UBE3C: variants seen among roughly 807,000 people sequenced by gnomAD.
UBE3C encodes the protein ubiquitin-protein ligase E3C.
Under a neutral mutation model 129.4 loss-of-function variants are expected in UBE3C, and 42 were observed. The observed-to-expected ratio is 0.32, with a 90% confidence interval of 0.25 to 0.42. The LOEUF is 0.42. Ranked by LOEUF, UBE3C falls within the 10% of genes least tolerant of loss-of-function variation. The pLI, the probability that UBE3C is intolerant of heterozygous loss-of-function variation, is 1.00. For synonymous variants in UBE3C, 510 were observed against 492.4 expected, an observed-to-expected ratio of 1.04 and a Z score of -0.47; for missense variants, 1,049 against 1,319.1, an observed-to-expected ratio of 0.80 and a Z score of 3.17.
At chr7:157,260,918 G>A (rs1358443644) in intron 22 of UBE3C, among the ~76,000 whole-genome samples, 4 of 152,184 alleles carry the variant, frequency 2.6e-5, no homozygotes, top group African/African-American at 9.7e-5. Flanking sequence ...CCTCCGTGAT[G>A]CCTCCGGGTT....
chr7:157,225,137 G>T (rs1584801441), intron 16 of UBE3C, among the ~76,000 whole-genome samples: 1 of 152,050 alleles, frequency 6.6e-6, no homozygotes, highest in South Asian at 2.1e-4. Flanking sequence ...CAAGTAGCTG[G>T]GATTACAGGC....
chr7:157,265,742 C>T (rs188910030), intron 22 of UBE3C, among the ~76,000 whole-genome samples: 10 of 152,268 alleles, frequency 6.6e-5, no homozygotes, highest in South Asian at 4.1e-4. Flanking sequence ...TTTTCTCATG[C>T]GTGCATTTCA....
At chr7:157,177,827 A>G (rs950269896) in intron 5 of UBE3C, among the ~76,000 whole-genome samples, 2 of 152,124 alleles carry the variant, frequency 1.3e-5, no homozygotes, top group Non-Finnish European at 2.9e-5. Flanking sequence ...CCCTCCTGGC[A>G]GGGCAGAAGG....
In UBE3C at chr7:157,207,562, A is replaced by T; in HGVS notation, c.1576+7A>T. The T allele has an allele frequency of 6.2e-7, 1 of 1,606,774 alleles. No homozygotes were observed. Among genetic ancestry groups the T allele is most frequent in the South Asian group, 1.1e-5 (1 of 89,060 alleles). On this transcript the variant is annotated splice_region_variant and intron_variant, in intron 12 of 22. Coordinates refer to ENST00000348165, the MANE Select transcript of UBE3C (RefSeq NM_014671.3). Reference sequence around the variant, plus strand: ...TTCGGTGATCCCATAGAAGGTAAGGATTTTGAGAAACCAGTTTGCTGCTGG... The same window carrying T: ...TTCGGTGATCCCATAGAAGGTAAGGTTTTTGAGAAACCAGTTTGCTGCTGG...
intron 3 of UBE3C, 113 bp downstream of exon 3, chr7:157,169,235 C>T: frequency 3.0e-6 from 2 of 677,660 alleles, no homozygotes; most frequent in South Asian, 2.6e-5. Context: ...GTATTCTTCC[C>T]AATAAATAAT....
At chr7:157,153,730 A>C (rs1346165015) in intron 1 of UBE3C, among the ~76,000 whole-genome samples, 1 of 151,970 alleles carries the variant, frequency 6.6e-6, no homozygotes, top group Non-Finnish European at 1.5e-5. Context: ...TCCTCCCGGC[A>C]CTCTGGGAGG....
intron 12 of UBE3C, 26 bp from the exon 13 acceptor site, chr7:157,207,677 A>G (rs781720748): frequency 3.7e-6 from 6 of 1,603,404 alleles, no homozygotes; most frequent in Non-Finnish European, 5.1e-6. Context: ...AAAAGAAACA[A>G]TAGAAAACTG....
At chr7:157,193,289 A>AGCT (rs994262546) in intron 10 of UBE3C, among the ~76,000 whole-genome samples, 1 of 151,950 alleles carries the variant, frequency 6.6e-6, no homozygotes, top group Non-Finnish European at 1.5e-5. Context: ...GAAAAATTTC[A>AGCT]GAAGAACAAA....
intron 1 of UBE3C, among the ~76,000 whole-genome samples, chr7:157,161,067 G>A (rs1316713197): frequency 6.6e-6 from 1 of 152,186 alleles, no homozygotes; most frequent in Non-Finnish European, 1.5e-5. Flanking sequence ...AGAAGAAATA[G>A]TACCTAAATA....
chr7:157,209,268 A>G (rs185257340), intron 13 of UBE3C, among the ~76,000 whole-genome samples: 32 of 152,346 alleles, frequency 2.1e-4, no homozygotes, highest in Admixed American at 1.0e-3. Context: ...TCTTAGGAGC[A>G]TGAGCATTAG....
intron 18 of UBE3C, among the ~76,000 whole-genome samples, chr7:157,243,321 C>T (rs1316492200): frequency 1.3e-5 from 2 of 152,152 alleles, no homozygotes; most frequent in South Asian, 2.1e-4. Flanking sequence ...GCCTCGGCAG[C>T]TCTGCATGCT....
At chr7:157,170,589 AG>A in intron 4 of UBE3C, 139 bp downstream of exon 4, 6 of 896,162 alleles carry the variant, frequency 6.7e-6, no homozygotes, top group Non-Finnish European at 9.1e-6. Flanking sequence ...GCTAGCTGTG[AG>A]AGGTTACCTA....
In UBE3C at chr7:157,182,834, C is replaced by T. The variant is rs566027038; in HGVS notation, c.991+506C>T. ...CTCCATCTCAGCTCACTGCAACCTC[C>T]GCCTCCCGGGTTCAAGTGATTCTCC... On this transcript the variant is annotated intron_variant, in intron 8 of 22. Coordinates refer to ENST00000348165, the MANE Select transcript of UBE3C (RefSeq NM_014671.3). Among the ~76,000 whole-genome samples the T allele has an allele frequency of 3.0e-3, 455 of 152,214 alleles. 2 individuals carry two copies. Among genetic ancestry groups the T allele is most frequent in the African/African-American group, 0.01 (429 of 41,526 alleles).
intron 22 of UBE3C, among the ~76,000 whole-genome samples, chr7:157,258,532 T>C (rs1248868016): frequency 6.6e-6 from 1 of 152,228 alleles, no homozygotes; most frequent in Non-Finnish European, 1.5e-5. Flanking sequence ...TGATTTCCGC[T>C]CACTGCAACC....
chr7:157,238,480 G>A (rs1426016043), intron 18 of UBE3C, among the ~76,000 whole-genome samples: 1 of 152,176 alleles, frequency 6.6e-6, no homozygotes, highest in Non-Finnish European at 1.5e-5. Context: ...TGATGAATGA[G>A]ATGTTGGGAT....
At chr7:157,172,647 T>C (rs1285596371) in intron 4 of UBE3C, among the ~76,000 whole-genome samples, 1 of 152,208 alleles carries the variant, frequency 6.6e-6, no homozygotes, top group Non-Finnish European at 1.5e-5. Flanking sequence ...CCGTTGAATC[T>C]ACCCATTCTG....
chr7:157,240,940 C>T (rs1796302385), intron 18 of UBE3C, among the ~76,000 whole-genome samples: 1 of 152,128 alleles, frequency 6.6e-6, no homozygotes, highest in South Asian at 2.1e-4. Flanking sequence ...GTGTTGGACT[C>T]TCAGGAGCTA....
intron 14 of UBE3C, among the ~76,000 whole-genome samples, chr7:157,217,529 A>T (rs534977359): frequency 6.6e-6 from 1 of 152,268 alleles, no homozygotes; most frequent in Admixed American, 6.5e-5. Flanking sequence ...ATTCAGTAGT[A>T]TGATACGTTA....
intron 5 of UBE3C, among the ~76,000 whole-genome samples, chr7:157,176,422 G>C (rs926517440): frequency 6.6e-6 from 1 of 152,130 alleles, no homozygotes; most frequent in Admixed American, 6.5e-5. Flanking sequence ...CCACAGGCAC[G>C]TGCCACCACG....
Sources: gnomAD v4.1 joint callset for allele counts (sites outside exome capture counted in the v4.1 genomes callset) on GRCh38, gnomAD v4.1.1 for gene constraint, MANE v1.5 for transcripts, NCBI Gene and HGNC (gene_info 2026-07-23, HGNC 2026-07-21) for gene names.